The following SCN1A variants were observed in gnomAD, a reference collection of about 807,000 sequenced individuals.
The protein encoded by SCN1A is sodium channel protein type 1 subunit alpha.
A neutral mutation model predicts 193.7 loss-of-function variants in SCN1A; 13 were observed. That is an observed-to-expected ratio of 0.07 (90% CI 0.04 to 0.11). The LOEUF is 0.11. Ranked by LOEUF, SCN1A falls within the 10% of genes least tolerant of loss-of-function variation. The probability of loss-of-function intolerance (pLI) is 1.00; values close to 1 mark genes in which losing one functional copy is unlikely to be tolerated. For missense variants in SCN1A, 1,432 were observed against 2,451.1 expected (o/e 0.58, Z 8.78); for synonymous variants, 781 against 843.6 (o/e 0.93, Z 1.29).
At chr2:166,029,074 T>C (rs138378267) in intron 19 of SCN1A, among the ~76,000 whole-genome samples, 344 of 152,160 alleles carry the variant, frequency 2.3e-3, no homozygotes, top group African/African-American at 7.8e-3. Context: ...GGGAATTACA[T>C]TGAATGAAAG....
chr2:166,136,755 A>G (rs535214942), intron 1 of SCN1A, among the ~76,000 whole-genome samples: 8 of 152,350 alleles, frequency 5.3e-5, no homozygotes, highest in African/African-American at 1.7e-4. Flanking sequence ...GAGAGAGCCA[A>G]TGCCATTCCA....
chr2:166,057,884 C>T (rs985739945), intron 5 of SCN1A, among the ~76,000 whole-genome samples: 1 of 151,980 alleles, frequency 6.6e-6, no homozygotes, highest in East Asian at 1.9e-4. Flanking sequence ...CTTTTTAACA[C>T]CAATGGGAAT....
intron 10 of SCN1A, 112 bp from the exon 11 acceptor site, chr2:166,047,880 T>A: frequency 6.9e-7 from 1 of 1,449,342 alleles, no homozygotes. Context: ...AATAAAAGTT[T>A]GACAAATAAG....
At chr2:166,006,438 T>C (rs1227817609) in intron 23 of SCN1A, among the ~76,000 whole-genome samples, 1 of 151,440 alleles carries the variant, frequency 6.6e-6, no homozygotes, top group Non-Finnish European at 1.5e-5. Context: ...CACTGTGTTA[T>C]GTTTTAAAAT....
At chr2:166,038,159 T>A (rs778049732) in intron 17 of SCN1A, 27 bp from the exon 18 acceptor site, 6 of 1,512,522 alleles carry the variant, frequency 4.0e-6, no homozygotes, top group Non-Finnish European at 4.5e-6. Flanking sequence ...TAATATATAT[T>A]TGTATGATTC....
intron 1 of SCN1A, among the ~76,000 whole-genome samples, chr2:166,144,943 C>G (rs1315488715): frequency 1.8e-4 from 28 of 151,412 alleles, no homozygotes; most frequent in Non-Finnish European, 5.9e-5. Flanking sequence ...CCTCCGCCTC[C>G]CGGGTTCAAG....
chr2:166,086,763 T>C (rs1686168772), intron 2 of SCN1A, among the ~76,000 whole-genome samples: 1 of 152,212 alleles, frequency 6.6e-6, no homozygotes, highest in South Asian at 2.1e-4. Context: ...GTCTGTCATG[T>C]GAATTCAGTC....
At chr2:166,137,800 G>T (rs531816596) in intron 1 of SCN1A, among the ~76,000 whole-genome samples, 1 of 152,310 alleles carries the variant, frequency 6.6e-6, no homozygotes, top group African/African-American at 2.4e-5. Context: ...AACAGGCAGA[G>T]GTTGGAACAA....
intron 23 of SCN1A, among the ~76,000 whole-genome samples, chr2:166,005,739 C>T (rs1375091407): frequency 6.6e-6 from 1 of 151,268 alleles, no homozygotes; most frequent in Non-Finnish European, 1.5e-5. Flanking sequence ...TTTTTTCAGT[C>T]TCAATAAAGC....
chr2:166,044,407 T>A (rs1164343172), intron 13 of SCN1A, among the ~76,000 whole-genome samples: 1 of 152,196 alleles, frequency 6.6e-6, no homozygotes, highest in Non-Finnish European at 1.5e-5. Context: ...ACTGGCACCA[T>A]GACCTTAACA....
intron 1 of SCN1A, among the ~76,000 whole-genome samples, chr2:166,139,583 T>C (rs764118212): frequency 3.6e-4 from 55 of 152,334 alleles, no homozygotes; most frequent in Admixed American, 6.5e-4. Flanking sequence ...GAAACTTGTT[T>C]TTCTTTTGTA....
At chr2:166,095,250 T>C (rs1433687355) in intron 2 of SCN1A, among the ~76,000 whole-genome samples, 1 of 152,166 alleles carries the variant, frequency 6.6e-6, no homozygotes, top group East Asian at 1.9e-4. Flanking sequence ...AACCCATAGG[T>C]ATGATATAAT....
intron 1 of SCN1A, among the ~76,000 whole-genome samples, chr2:166,138,841 G>A (rs1159478367): frequency 6.6e-6 from 1 of 152,164 alleles, no homozygotes; most frequent in African/African-American, 2.4e-5. Flanking sequence ...ATGCCAGCCT[G>A]TGAAAGCAAC....
intron 2 of SCN1A, among the ~76,000 whole-genome samples, chr2:166,117,935 C>T (rs1249797598): frequency 6.6e-6 from 1 of 151,030 alleles, no homozygotes; most frequent in Admixed American, 6.6e-5. Context: ...TGCACTCCAG[C>T]CTGGGCAATA....
intron 1 of SCN1A, among the ~76,000 whole-genome samples, chr2:166,135,535 A>G (rs914049448): frequency 6.6e-6 from 1 of 152,214 alleles, no homozygotes; most frequent in Non-Finnish European, 1.5e-5. Flanking sequence ...GGGGAAATTA[A>G]CATTTTTGAC....
chr2:166,115,927 A>G (rs986180490), intron 2 of SCN1A, among the ~76,000 whole-genome samples: 2 of 152,232 alleles, frequency 1.3e-5, no homozygotes, highest in Non-Finnish European at 1.5e-5. Context: ...ACAAAAGGAA[A>G]TTAATCATAC....
At chr2:166,013,614 T>C (rs1051005537) in intron 21 of SCN1A, 130 bp downstream of exon 21, 1 of 779,824 alleles carries the variant, frequency 1.3e-6, no homozygotes, top group African/African-American at 1.7e-5. Flanking sequence ...AGTAAATCTA[T>C]AGAAGATACA....
chr2:166,146,601 A>G (rs538577163), intron 1 of SCN1A, among the ~76,000 whole-genome samples: 2 of 152,324 alleles, frequency 1.3e-5, no homozygotes, highest in Non-Finnish European at 2.9e-5. Context: ...GACAGACCCC[A>G]CAGCGAAGAA....
intron 2 of SCN1A, among the ~76,000 whole-genome samples, chr2:166,094,231 C>T (rs571735977): frequency 2.2e-3 from 332 of 152,262 alleles, no homozygotes; most frequent in Non-Finnish European, 4.1e-3. Context: ...CCTTGGAGAA[C>T]GACTAATTTT....
Sources: allele counts gnomAD v4.1 joint callset (sites outside exome capture counted in the v4.1 genomes callset), GRCh38; gene constraint gnomAD v4.1.1; transcripts MANE v1.5; gene names NCBI Gene and HGNC (gene_info 2026-07-23, HGNC 2026-07-21).